Variants in MAMLD1 observed in about 807,000 individuals in gnomAD.
MAMLD1 encodes mastermind-like domain-containing protein 1.
In MAMLD1, 14 loss-of-function variants were observed where a neutral mutation model predicts 45.0. That is an observed-to-expected ratio of 0.31 (90% CI 0.21 to 0.49). The LOEUF is 0.49. Among genes scored for constraint, MAMLD1 ranks in the 20% least tolerant of loss-of-function variants. MAMLD1 has a pLI of 0.99. For missense variants in MAMLD1, 543 were observed against 603.6 expected, an observed-to-expected ratio of 0.90 and a Z score of 1.05; for synonymous variants, 254 against 247.8, an observed-to-expected ratio of 1.02 and a Z score of -0.24.
intron 2 of MAMLD1, among the ~76,000 whole-genome samples, chrX:150,454,390 T>G (rs2266826): frequency 0.069 from 7,731 of 111,340 alleles, 276 homozygotes; most frequent in Non-Finnish European, 0.1. Flanking sequence ...CATCCTTTTG[T>G]TTTTTTTAGC....
upstream of MAMLD1, among the ~76,000 whole-genome samples, chrX:150,363,073 C>G (rs1469161378): frequency 4.4e-5 from 5 of 112,989 alleles, no homozygotes; most frequent in African/African-American, 1.6e-4. Flanking sequence ...TGCCCCATCC[C>G]GGAGTGGAAA....
At position 150,423,750 on chromosome X, in the gene MAMLD1, A is replaced by G. The variant is rs916184535; in HGVS notation, c.-63-21704A>G. 1.3e-4 allele frequency among the ~76,000 whole-genome samples: 15 copies of G among 111,778 alleles called. No homozygotes were observed. In the South Asian group the frequency reaches 5.7e-3, roughly 42 times the overall value. On this transcript the variant is annotated intron_variant, in intron 1 of 7. Transcript: ENST00000370401. ...ACTATGGAAAAGCTTAAGGGAATTA[A>G]GCCTGTAGGCATTTAGCTCATGAGA... is the stretch of plus-strand genomic sequence containing the variant.
intron 1 of MAMLD1, among the ~76,000 whole-genome samples, chrX:150,370,935 A>C (rs1198684477): frequency 1.8e-5 from 2 of 112,066 alleles, no homozygotes; most frequent in Non-Finnish European, 3.8e-5. Flanking sequence ...GCAAGAAGCA[A>C]AAAGCTCTTT....
In MAMLD1 at chrX:150,372,155, G is replaced by A. The variant is rs782760679; in HGVS notation, c.-64+8625G>A. ...GTAATATAATCTACCCTGTATCAAC[G>A]TGTGCTTTGCTCAGCATTGTTAGGA... On this transcript the variant is annotated intron_variant, in intron 1 of 7. Transcript: ENST00000370401. Among the ~76,000 whole-genome samples, 114 of 112,534 alleles carry A rather than the reference G, an allele frequency of 1.0e-3. 1 individual carries two copies. The highest frequency in any genetic ancestry group is 3.5e-3 in the Admixed American group (37 of 10,685).
chrX:150,483,463 G>A (rs372154890), intron 5 of MAMLD1, among the ~76,000 whole-genome samples: 35 of 112,718 alleles, frequency 3.1e-4, no homozygotes, highest in Admixed American at 5.6e-4. Flanking sequence ...TAGCCATTGC[G>A]GAATGCTAAG....
chrX:150,382,888 TTTTTTTTTTTTTATTTTTTA>T (rs2032703829), intron 1 of MAMLD1, among the ~76,000 whole-genome samples: 1 of 19,226 alleles, frequency 5.2e-5, no homozygotes, highest in Non-Finnish European at 9.0e-5. Context: ...TTATTTTATT[TTTTTTTTTTTTTATTTTTTA>T]TTTTTTTTTT....
chrX:150,371,125 C>A (rs2031953590), intron 1 of MAMLD1, among the ~76,000 whole-genome samples: 1 of 111,426 alleles, frequency 9.0e-6, no homozygotes, highest in African/African-American at 3.3e-5. Flanking sequence ...GCCCTCTGAC[C>A]TGGACACAGC....
At chrX:150,383,327 G>A (rs2032764224) in intron 1 of MAMLD1, among the ~76,000 whole-genome samples, 1 of 110,793 alleles carries the variant, frequency 9.0e-6, no homozygotes, top group Non-Finnish European at 1.9e-5. Context: ...TATTGTGATT[G>A]GAACTACTAT....
At chrX:150,403,822 A>G (rs1163728047) in intron 1 of MAMLD1, among the ~76,000 whole-genome samples, 1 of 105,206 alleles carries the variant, frequency 9.5e-6, no homozygotes, top group African/African-American at 3.5e-5. Flanking sequence ...AGGAAGAAAG[A>G]AAGAAAGAGA....
intron 1 of MAMLD1, among the ~76,000 whole-genome samples, chrX:150,438,568 T>C (rs1557404369): frequency 8.9e-6 from 1 of 112,215 alleles, no homozygotes; most frequent in Non-Finnish European, 1.9e-5. Context: ...TCTCTATGGA[T>C]TTACCTATTC....
rs1396248724 is a variant in MAMLD1 at position 150,469,801 on chromosome X, T to C, written c.228T>C (p.Asp76=). 1.6e-5 allele frequency: 19 copies of C among 1,209,082 alleles called. No individual in the cohort carries two copies. The highest frequency in any genetic ancestry group is 2.0e-5 in the Non-Finnish European group (18 of 895,043). ...EDHFQFPDMA[D]GGYPNKIKRP... ...ACTTCCAGTTTCCAGACATGGCTGA[T>C]GGGGGCTACCCTAATAAAATTAAGA... Residue 76 remains aspartate, a synonymous_variant, in exon 4 of 8, where the codon GAT becomes GAC. Transcript: ENST00000370401.
At chrX:150,481,945 A>G (rs868963017) in intron 5 of MAMLD1, among the ~76,000 whole-genome samples, 69 of 95,817 alleles carry the variant, frequency 7.2e-4, no homozygotes, top group African/African-American at 3.1e-3. Flanking sequence ...AAAGAAAGAA[A>G]AAAGAAAGAA....
chrX:150,364,630 C>T (rs1194253558), intron 1 of MAMLD1, among the ~76,000 whole-genome samples: 1 of 112,072 alleles, frequency 8.9e-6, no homozygotes, highest in Non-Finnish European at 1.9e-5. Flanking sequence ...CACCACGGTG[C>T]CCCCCGGGGG....
intron 5 of MAMLD1, among the ~76,000 whole-genome samples, chrX:150,479,874 T>C (rs1367450832): frequency 8.9e-6 from 1 of 112,004 alleles, no homozygotes; most frequent in African/African-American, 3.3e-5. Flanking sequence ...ACGGTAGACT[T>C]GCTCCATTCA....
rs782767885 is a variant in MAMLD1, at chrX:150,402,046, G to A, written c.-64+38516G>A. ...CATGTCTAAAACACCAAAAGTAATG[G>A]CAACAAAAGCCAAAATTGACAAATG... On this transcript the variant is annotated intron_variant, in intron 1 of 7. Transcript: ENST00000370401. 2.8e-3 allele frequency among the ~76,000 whole-genome samples: 313 copies of A among 111,867 alleles called. 3 individuals carry two copies. The highest frequency in any genetic ancestry group is 9.7e-3 in the African/African-American group (298 of 30,747).
chrX:150,467,063 C>T (rs1557406008), intron 3 of MAMLD1, among the ~76,000 whole-genome samples: 2 of 98,881 alleles, frequency 2.0e-5, no homozygotes, highest in African/African-American at 3.8e-5. Context: ...TCTTGCAGTT[C>T]GAGACATCAT....
At chrX:150,481,961 GA>G (rs782400132) in intron 5 of MAMLD1, among the ~76,000 whole-genome samples, 1 of 58,213 alleles carries the variant, frequency 1.7e-5, no homozygotes, top group Admixed American at 2.0e-4. Flanking sequence ...AAGAAAGAAA[GA>G]AAAAAGAAAG....
At chrX:150,413,513 C>T (rs1031893399) in intron 1 of MAMLD1, among the ~76,000 whole-genome samples, 5 of 110,685 alleles carry the variant, frequency 4.5e-5, no homozygotes, top group Non-Finnish European at 9.4e-5. Context: ...AGAGAAGAAA[C>T]CCTGTTCCAC....
rs3066915 is a variant in MAMLD1 at position 150,377,819 on chromosome X, TCACACACACA to T, written c.-64+14318_-64+14327del. On this transcript the variant is annotated intron_variant, in intron 1 of 7. Transcript: ENST00000370401. Reference sequence around the variant, plus strand: ...ATTCTATGTTATATCTACCACCCCCTCACACACACACACACACACACACACACACACACAC... The same window carrying T: ...ATTCTATGTTATATCTACCACCCCCTCACACACACACACACACACACACAC... 3.3e-4 allele frequency among the ~76,000 whole-genome samples: 30 copies of T among 91,841 alleles called. 1 individual carries two copies. The highest frequency in any genetic ancestry group is 1.8e-3 in the South Asian group (3 of 1,676). 79.8% of individuals were successfully genotyped at this position (91,841 alleles called of 115,157 possible). A position where few individuals can be genotyped will look rare whatever the true frequency, so the allele number is the denominator to read the frequency against.
Sources: allele counts gnomAD v4.1 joint callset (sites outside exome capture counted in the v4.1 genomes callset), GRCh38; gene constraint gnomAD v4.1.1; transcripts MANE v1.5; gene names NCBI Gene and HGNC (gene_info 2026-07-23, HGNC 2026-07-21).